Variants in CRB1 observed in about 807,000 individuals in gnomAD.
CRB1 encodes the protein protein crumbs homolog 1.
CRB1 carries 83 observed loss-of-function variants against 120.0 expected under a neutral mutation model. That is an observed-to-expected ratio of 0.69 (90% CI 0.58 to 0.83). The LOEUF is 0.83. Among genes scored for constraint, CRB1 ranks in the 40% least tolerant of loss-of-function variants. CRB1 has a pLI of 0.00. For synonymous variants in CRB1, 625 were observed against 612.5 expected (o/e 1.02, Z -0.30); for missense variants, 1,699 against 1,687.6 (o/e 1.01, Z -0.12).
chr1:197,303,478 A>G (rs1447329174), intron 1 of CRB1, among the ~76,000 whole-genome samples: 4 of 152,028 alleles, frequency 2.6e-5, no homozygotes, highest in African/African-American at 9.7e-5. Context: ...TAGAATATAA[A>G]AATAACAAAT....
chr1:197,298,499 G>T (rs1167082397), intron 1 of CRB1, among the ~76,000 whole-genome samples: 1 of 152,052 alleles, frequency 6.6e-6, no homozygotes, highest in African/African-American at 2.4e-5. Flanking sequence ...AATTTTGGAG[G>T]TTAATAATTT....
In CRB1 at chr1:197,456,123, T is replaced by A. The variant is rs567281472; in HGVS notation, c.4005+13831T>A. On this transcript the variant is annotated intron_variant, in intron 11 of 11. Coordinates refer to ENST00000367400, the MANE Select transcript of CRB1 (RefSeq NM_201253.3). Reference sequence around the variant, plus strand: ...AATCCTATGCTGATAACAACAGTTATAAAGGAAAACTGAAGTACTTCTATA... The same window carrying A: ...AATCCTATGCTGATAACAACAGTTAAAAAGGAAAACTGAAGTACTTCTATA... Among the ~76,000 whole-genome samples the A allele has an allele frequency of 1.4e-3, 207 of 152,260 alleles. 2 individuals carry two copies. Among genetic ancestry groups the A allele is most frequent in the Non-Finnish European group, 1.5e-3 (100 of 67,992 alleles).
At chr1:197,393,860 AAAGTT>A (rs1408603376) in intron 5 of CRB1, among the ~76,000 whole-genome samples, 3 of 152,122 alleles carry the variant, frequency 2.0e-5, no homozygotes, top group Non-Finnish European at 1.5e-5. Flanking sequence ...AAAACAGAAT[AAAGTT>A]AAGTGAATGT....
At chr1:197,320,895 G>A (rs1457505715) in intron 1 of CRB1, among the ~76,000 whole-genome samples, 2 of 152,090 alleles carry the variant, frequency 1.3e-5, no homozygotes, top group African/African-American at 4.8e-5. Context: ...CTACAGTAGA[G>A]CCATCCTTAT....
the CRB1 span, among the ~76,000 whole-genome samples, chr1:197,216,789 A>G: frequency 6.6e-6 from 1 of 152,160 alleles, no homozygotes; most frequent in African/African-American, 2.4e-5. Flanking sequence ...GTCAGCTGCC[A>G]TAGGTCAGGA....
intron 1 of CRB1, among the ~76,000 whole-genome samples, chr1:197,304,909 A>T (rs559853801): frequency 3.9e-4 from 60 of 152,268 alleles, no homozygotes; most frequent in African/African-American, 1.4e-3. Context: ...GGCAGTCCTA[A>T]TCCTTGGATC....
chr1:197,395,777 A>G (rs1454620855), intron 5 of CRB1, among the ~76,000 whole-genome samples: 1 of 152,192 alleles, frequency 6.6e-6, no homozygotes, highest in East Asian at 1.9e-4. Context: ...TACAGAAAAA[A>G]ATGCATTTAA....
the CRB1 span, chr1:197,223,163 G>A: frequency 9.6e-7 from 1 of 1,044,130 alleles, no homozygotes; most frequent in African/African-American, 1.6e-5. Context: ...GGCCCTGGCT[G>A]TGATTATCAC....
chr1:197,401,990 T>C (rs1663090504), intron 5 of CRB1, among the ~76,000 whole-genome samples: 1 of 152,052 alleles, frequency 6.6e-6, no homozygotes, highest in Non-Finnish European at 1.5e-5. Flanking sequence ...TTTTTATGTT[T>C]TCCTTGTATC....
chr1:197,316,748 G>A (rs1657870235), intron 1 of CRB1, among the ~76,000 whole-genome samples: 1 of 152,026 alleles, frequency 6.6e-6, no homozygotes, highest in South Asian at 2.1e-4. Context: ...ATTACATGGA[G>A]AACACCCCAA....
chr1:197,253,689 G>A, the CRB1 span, among the ~76,000 whole-genome samples: 1 of 152,060 alleles, frequency 6.6e-6, no homozygotes, highest in Middle Eastern at 3.4e-3. Context: ...TATAATATAT[G>A]GGTTTACCTT....
At chr1:197,476,663 G>A (rs1159673638) in intron 11 of CRB1, among the ~76,000 whole-genome samples, 2 of 151,928 alleles carry the variant, frequency 1.3e-5, no homozygotes, top group Non-Finnish European at 2.9e-5. Context: ...AAGAGACTAA[G>A]GATAGAAAAG....
chr1:197,386,653 C>A (rs1477002549), intron 5 of CRB1, among the ~76,000 whole-genome samples: 1 of 152,104 alleles, frequency 6.6e-6, no homozygotes, highest in African/African-American at 2.4e-5. Context: ...TAGTCTATAT[C>A]GTCTTAATAT....
intron 1 of CRB1, among the ~76,000 whole-genome samples, chr1:197,306,305 C>T (rs763778033): frequency 6.6e-6 from 1 of 151,920 alleles, no homozygotes; most frequent in African/African-American, 2.4e-5. Context: ...GAAGAAAAGT[C>T]GTGAAAACAG....
chr1:197,208,404 C>T, the CRB1 span, among the ~76,000 whole-genome samples: 1 of 152,194 alleles, frequency 6.6e-6, no homozygotes, highest in Non-Finnish European at 1.5e-5. Context: ...TCCTCCATCC[C>T]ATGGAGTGCT....
At chr1:197,346,802 TAAGAG>T (rs1349599784) in intron 3 of CRB1, among the ~76,000 whole-genome samples, 1 of 152,216 alleles carries the variant, frequency 6.6e-6, no homozygotes, top group Non-Finnish European at 1.5e-5. Flanking sequence ...AATCTAAAAA[TAAGAG>T]AACATCGTAA....
At chr1:197,273,066 T>A (rs972305575) in intron 1 of CRB1, among the ~76,000 whole-genome samples, 1 of 152,026 alleles carries the variant, frequency 6.6e-6, no homozygotes, top group Non-Finnish European at 1.5e-5. Flanking sequence ...TGACATGCTT[T>A]CCCTGTTCTA....
chr1:197,401,443 A>G (rs1026729358), intron 5 of CRB1, among the ~76,000 whole-genome samples: 1 of 152,174 alleles, frequency 6.6e-6, no homozygotes, highest in African/African-American at 2.4e-5. Context: ...ATAAAATTTC[A>G]TCTTTTCCAT....
rs186668755 is a variant in CRB1 at position 197,336,531 on chromosome 1, A to G, written c.652+7528A>G. The stretch of plus-strand genomic sequence containing the variant: ...TATGGTGTCTTATAAAGAAAATTAA[A>G]CACTTGTTCAGGCTTTTGCTCAGAA... On this transcript the variant is annotated intron_variant, in intron 2 of 11. Transcript: ENST00000367400. Among the ~76,000 whole-genome samples, 3 of 152,336 alleles carry G rather than the reference A, an allele frequency of 2.0e-5. No homozygotes were observed. In the South Asian group the frequency reaches 6.2e-4, roughly 32 times the overall value.
Sources: allele counts gnomAD v4.1 joint callset (sites outside exome capture counted in the v4.1 genomes callset), GRCh38; gene constraint gnomAD v4.1.1; transcripts MANE v1.5; gene names NCBI Gene and HGNC (gene_info 2026-07-23, HGNC 2026-07-21).